XPO7: variants seen among roughly 807,000 people sequenced by gnomAD.
The protein encoded by XPO7 is exportin-7.
A neutral mutation model predicts 144.3 loss-of-function variants in XPO7; 21 were observed. That is an observed-to-expected ratio of 0.15 (90% CI 0.10 to 0.21). XPO7 has a LOEUF of 0.21. Ranked by LOEUF, XPO7 falls within the 10% of genes least tolerant of loss-of-function variation. The probability of loss-of-function intolerance (pLI) is 1.00; values close to 1 mark genes in which losing one functional copy is unlikely to be tolerated. For missense variants in XPO7, 808 were observed against 1,325.8 expected (o/e 0.61, Z 6.06); for synonymous variants, 580 against 499.6 (o/e 1.16, Z -2.15).
chr8:21,989,676 T>C (rs1401821087), intron 16 of XPO7, among the ~76,000 whole-genome samples: 1 of 152,104 alleles, frequency 6.6e-6, no homozygotes, highest in African/African-American at 2.4e-5. Flanking sequence ...ATACACAATA[T>C]ATGCCTCTTA....
intron 1 of XPO7, among the ~76,000 whole-genome samples, chr8:21,937,767 T>C (rs182155111): frequency 6.6e-6 from 1 of 152,194 alleles, no homozygotes; most frequent in Admixed American, 6.5e-5. Context: ...GTTCCTCTTT[T>C]ATAAAAGGAA....
chr8:21,955,187 T>G (rs1811495415), intron 1 of XPO7, among the ~76,000 whole-genome samples: 1 of 151,868 alleles, frequency 6.6e-6, no homozygotes, highest in South Asian at 2.1e-4. Context: ...AGTACGTTGT[T>G]TTGGTCTTTT....
intron 21 of XPO7, among the ~76,000 whole-genome samples, chr8:21,997,845 G>T (rs576673236): frequency 4.6e-5 from 7 of 151,998 alleles, no homozygotes; most frequent in Non-Finnish European, 7.4e-5. Flanking sequence ...TCAGTGTGGT[G>T]GGGGGGAGGA....
chr8:21,976,269 TTC>T, intron 6 of XPO7, 85 bp from the exon 7 acceptor site: 1 of 1,469,086 alleles, frequency 6.8e-7, no homozygotes, highest in Non-Finnish European at 9.3e-7. Context: ...AGCCCTCCTT[TTC>T]TGACTTAACA....
At position 21,991,932 on chromosome 8, in the gene XPO7, C is replaced by T. The variant is rs756960586; in HGVS notation, c.2106C>T (p.Ala702=). 6.2e-7 allele frequency: 1 copy of T among 1,613,574 alleles called. No individual in the cohort carries two copies. Among genetic ancestry groups the T allele is most frequent in the Non-Finnish European group, 8.5e-7 (1 of 1,179,810 alleles). ...LPLTAAFEAV[A]QMFSTNSFNE... ...TCACAGCAGCATTTGAGGCTGTGGC[C>T]CAGATGTTTAGCACCAATAGTTTCA... The change falls in exon 19 of 28, where the codon GCC becomes GCT. Residue 702 remains alanine, a synonymous_variant. Transcript: ENST00000252512.
chr8:21,926,142 T>C lies in XPO7; in HGVS notation c.18+6354T>C, dbSNP rs990674117. 2.0e-5 allele frequency among the ~76,000 whole-genome samples: 3 copies of C among 152,104 alleles called. No individual in the cohort carries two copies. In the East Asian group the frequency reaches 5.8e-4, roughly 29 times the overall value. ...TTTTAAACCTCTCTTAGAAAAACAT[T>C]AGTTAGATGAAAAAAAAAATCAAAA... On this transcript the variant is annotated intron_variant, in intron 1 of 27. Transcript: ENST00000252512.
intron 1 of XPO7, among the ~76,000 whole-genome samples, chr8:21,952,221 C>G (rs1811396548): frequency 1.3e-5 from 2 of 151,922 alleles, no homozygotes; most frequent in East Asian, 1.9e-4. Context: ...TGCACACTGA[C>G]TTTTTTGTTA....
chr8:22,000,819 A>G (rs1031865178), intron 24 of XPO7, among the ~76,000 whole-genome samples: 2 of 152,310 alleles, frequency 1.3e-5, no homozygotes, highest in South Asian at 2.1e-4. Flanking sequence ...TGAGCAAAAC[A>G]TAAGTAGGAG....
At chr8:21,984,352 C>CAAGAGGTCAGAG in intron 11 of XPO7, among the ~76,000 whole-genome samples, 1 of 151,926 alleles carries the variant, frequency 6.6e-6, no homozygotes, top group African/African-American at 2.4e-5. Context: ...AGAGGTCAGA[C>CAAGAGGTCAGAG]AGTTGAGAAG....
intron 1 of XPO7, among the ~76,000 whole-genome samples, chr8:21,941,498 A>G (rs966081896): frequency 2.0e-5 from 3 of 152,178 alleles, no homozygotes; most frequent in African/African-American, 7.2e-5. Flanking sequence ...AGCTAATACA[A>G]TGTAAATGCT....
chr8:21,936,584 C>T (rs1406029084), intron 1 of XPO7, among the ~76,000 whole-genome samples: 1 of 152,212 alleles, frequency 6.6e-6, no homozygotes, highest in Non-Finnish European at 1.5e-5. Flanking sequence ...ATTGGTCTAT[C>T]ACCTGTTGCC....
intron 1 of XPO7, among the ~76,000 whole-genome samples, chr8:21,953,672 G>C: frequency 6.6e-6 from 1 of 152,148 alleles, no homozygotes; most frequent in East Asian, 1.9e-4. Context: ...GCCATCATCT[G>C]GTGTTATAAA....
chr8:21,977,689 C>G (rs1013726008), intron 7 of XPO7, 81 bp from the exon 8 acceptor site: 1 of 1,302,552 alleles, frequency 7.7e-7, no homozygotes, highest in Non-Finnish European at 1.1e-6. Context: ...GGATGTGCTC[C>G]CTGATGTATA....
At chr8:21,949,700 C>G (rs1811307954) in intron 1 of XPO7, among the ~76,000 whole-genome samples, 1 of 136,248 alleles carries the variant, frequency 7.3e-6, no homozygotes, top group South Asian at 2.1e-4. Flanking sequence ...AGGTGAAGCT[C>G]AGTCATGGCC....
chr8:21,982,485 C>T (rs917049328), intron 10 of XPO7, among the ~76,000 whole-genome samples, 155 bp from the exon 11 acceptor site: 2 of 152,036 alleles, frequency 1.3e-5, no homozygotes, highest in East Asian at 3.8e-4. Context: ...CTAATAAACA[C>T]ATTAAACTAG....
chr8:21,999,953 A>G (rs902372806), intron 24 of XPO7, among the ~76,000 whole-genome samples: 38 of 152,366 alleles, frequency 2.5e-4, no homozygotes, highest in African/African-American at 9.1e-4. Flanking sequence ...GAACAGACAC[A>G]TGAACAAACA....
At chr8:21,979,987 A>G (rs1812350917) in intron 8 of XPO7, 97 bp from the exon 9 acceptor site, 1 of 1,313,476 alleles carries the variant, frequency 7.6e-7, no homozygotes, top group Non-Finnish European at 1.0e-6. Flanking sequence ...TGCTTCAGAT[A>G]TCCTAAAGAA....
intron 16 of XPO7, among the ~76,000 whole-genome samples, chr8:21,989,655 G>A (rs1441947557): frequency 2.0e-5 from 3 of 151,940 alleles, no homozygotes; most frequent in Admixed American, 6.6e-5. Flanking sequence ...TAGGAGAGAA[G>A]TTCATTCATT....
At chr8:21,999,037 C>G (rs939428069) in intron 22 of XPO7, 54 bp from the exon 23 acceptor site, 1 of 1,600,958 alleles carries the variant, frequency 6.2e-7, no homozygotes, top group Non-Finnish European at 8.5e-7. Flanking sequence ...GAAGGCTGAT[C>G]TAAACGAGCG....
Sources: allele counts gnomAD v4.1 joint callset (sites outside exome capture counted in the v4.1 genomes callset), GRCh38; gene constraint gnomAD v4.1.1; transcripts MANE v1.5; gene names NCBI Gene and HGNC (gene_info 2026-07-23, HGNC 2026-07-21).